NEU3: variants seen among roughly 807,000 people sequenced by gnomAD.
NEU3 encodes sialidase-3.
A neutral mutation model predicts 11.4 loss-of-function variants in NEU3; 10 were observed. That is an observed-to-expected ratio of 0.88 (90% confidence interval 0.54 to 1.49). NEU3 has a LOEUF of 1.49. NEU3 is among the 40% of genes most tolerant of loss of function. The probability of loss-of-function intolerance (pLI) is 0.00; values close to 1 mark genes in which losing one functional copy is unlikely to be tolerated. For missense variants in NEU3, 529 were observed against 581.8 expected, an observed-to-expected ratio of 0.91 and a Z score of 0.93; for synonymous variants, 212 against 228.2, an observed-to-expected ratio of 0.93 and a Z score of 0.64.
intron 1 of NEU3, among the ~76,000 whole-genome samples, chr11:74,991,663 C>T (rs572167896): frequency 4.0e-4 from 61 of 152,306 alleles, no homozygotes; most frequent in African/African-American, 1.4e-3. Context: ...CACCTCTGCC[C>T]CCATCCCTTG....
chr11:75,006,559 A>G lies in NEU3; in HGVS notation c.*67A>G. On this transcript the variant is annotated 3_prime_UTR_variant, in exon 3 of 3. Coordinates refer to ENST00000294064, the MANE Select transcript of NEU3 (RefSeq NM_006656.6). ...CAGACAGGTTAACAGAAGCTACTGA[A>G]GTCTACAGATAATCAAAAAACTTAA... 6.7e-7 allele frequency: 1 copy of G among 1,495,478 alleles called. No individual in the cohort carries two copies. The highest frequency in any genetic ancestry group is 2.2e-5 in the Admixed American group (1 of 45,252). The allele number at this position is 1,495,478 out of a possible 1,614,324, so 92.6% of individuals were successfully genotyped here. A position where few individuals can be genotyped will look rare whatever the true frequency, so the allele number is the denominator to read the frequency against.
chr11:74,993,184 TTTGTTGTCG>T (rs769639744), intron 1 of NEU3, among the ~76,000 whole-genome samples: 47 of 152,102 alleles, frequency 3.1e-4, no homozygotes, highest in Non-Finnish European at 5.9e-4. Flanking sequence ...TAGTGGGTTT[TTTGTTGTCG>T]TTGTTGGTGT....
Position 75,005,715 on chromosome 11 carries a change from G to A in NEU3, c.609G>A (p.Gln203=). 1.2e-6 allele frequency: 2 copies of A among 1,614,014 alleles called. No homozygotes were observed. The highest frequency in any genetic ancestry group is 1.7e-6 in the Non-Finnish European group (2 of 1,179,876). ...AVGPGHGIQL[Q]SGRLVIPAYT... ...GCCCAGGTCATGGCATCCAGCTGCA[G>A]TCAGGGAGACTGGTCATCCCTGCGT... The change falls in exon 3 of 3, where the codon CAG becomes CAA. Residue 203 remains glutamine, a synonymous_variant. Coordinates refer to ENST00000294064, the MANE Select transcript of NEU3 (RefSeq NM_006656.6).
At chr11:74,984,359 G>A (rs564983190), upstream of NEU3, among the ~76,000 whole-genome samples, 1 of 152,228 alleles carries the variant, frequency 6.6e-6, no homozygotes, top group East Asian at 1.9e-4. Context: ...CTCCTTTAAG[G>A]CACTTCATTA....
chr11:75,005,107 T>C lies in NEU3; in HGVS notation c.307-306T>C, dbSNP rs187110315. ...ATGTATTAGGGGAGGAGAGTGAGTT[T>C]CATGGAAGGCTTTATAAAGGAGGTG... On this transcript the variant is annotated intron_variant, in intron 2 of 2. Transcript: ENST00000294064. 1.9e-3 allele frequency among the ~76,000 whole-genome samples: 287 copies of C among 152,294 alleles called. 1 individual carries two copies. Among genetic ancestry groups the C allele is most frequent in the African/African-American group, 4.5e-3 (187 of 41,554 alleles).
Position 75,003,361 on chromosome 11 carries a change from C to T in NEU3, c.307-2052C>T, listed in dbSNP as rs529767382. ...CCTAAGGGAAAAAGGGACCAGCCAA[C>T]CTCTCTGAAAGAACTTAGCCTGTCA... On this transcript the variant is annotated intron_variant, in intron 2 of 2. Coordinates refer to ENST00000294064, the MANE Select transcript of NEU3 (RefSeq NM_006656.6). Among the ~76,000 whole-genome samples, 8 of 152,304 alleles carry T rather than the reference C, an allele frequency of 5.3e-5. No homozygotes were observed. The East Asian group carries it at 1.3e-3, about 26-fold the overall frequency.
At position 75,005,621 on chromosome 11, in the gene NEU3, G is replaced by T. The variant is rs202090872; in HGVS notation, c.515G>T (p.Ser172Ile). ...IYSQDAGCSW[S>I]EVRDLTEEVI... is the part of the protein sequence containing the mutation. ...AGTCAGGATGCTGGATGTTCATGGA[G>T]TGAGGTGAGGGACTTGACTGAGGAG... is the stretch of plus-strand genomic sequence containing the variant. The change falls in exon 3 of 3, where the codon AGT becomes ATT. Residue 172 changes from serine (S) to isoleucine (I), a missense_variant. By Grantham distance (142) the Ser-to-Ile change is moderately radical. Coordinates refer to ENST00000294064, the MANE Select transcript of NEU3 (RefSeq NM_006656.6). 31 of 1,613,944 alleles carry T rather than the reference G, an allele frequency of 1.9e-5. No individual in the cohort carries two copies. The highest frequency in any genetic ancestry group is 1.9e-5 in the Non-Finnish European group (22 of 1,179,914).
chr11:74,999,155 A>G (rs1314835140), intron 2 of NEU3, among the ~76,000 whole-genome samples: 2 of 152,096 alleles, frequency 1.3e-5, no homozygotes, highest in Non-Finnish European at 2.9e-5. Context: ...GTCTGTCTAG[A>G]GACGAGCCCT....
the NEU3 span, among the ~76,000 whole-genome samples, chr11:74,982,782 T>A: frequency 6.6e-6 from 1 of 152,112 alleles, no homozygotes; most frequent in Non-Finnish European, 1.5e-5. Context: ...GGGGTGCTTG[T>A]CAGAGCCAAC....
intron 2 of NEU3, among the ~76,000 whole-genome samples, chr11:75,000,338 A>G (rs1948830141): frequency 6.6e-6 from 1 of 152,162 alleles, no homozygotes; most frequent in African/African-American, 2.4e-5. Flanking sequence ...CAATCTTCAG[A>G]ACTTTTGATT....
At chr11:74,999,164 C>G (rs1948819897) in intron 2 of NEU3, among the ~76,000 whole-genome samples, 1 of 152,164 alleles carries the variant, frequency 6.6e-6, no homozygotes, top group African/African-American at 2.4e-5. Flanking sequence ...GAGACGAGCC[C>G]TCTCTGCATT....
In NEU3 at chr11:75,005,511, GTTC is replaced by G; in HGVS notation, c.409_411del (p.Phe137del). 3.7e-6 allele frequency: 6 copies of G among 1,613,972 alleles called. No homozygotes were observed. The highest frequency in any genetic ancestry group is 5.1e-6 in the Non-Finnish European group (6 of 1,179,882). On this transcript the variant is annotated inframe_deletion, in exon 3 of 3. Transcript: ENST00000294064. Reference sequence around the variant, plus strand: ...AGCAGAAGAGTGGTTGTGTGTTCCTGTTCTTCATCTGTGTGCGGGGCCATGTCA... The same window carrying G: ...AGCAGAAGAGTGGTTGTGTGTTCCTGTTCATCTGTGTGCGGGGCCATGTCA...
intron 1 of NEU3, among the ~76,000 whole-genome samples, chr11:74,993,709 G>A (rs989020307): frequency 6.6e-6 from 1 of 152,166 alleles, no homozygotes; most frequent in Non-Finnish European, 1.5e-5. Flanking sequence ...TGGAGTCCGA[G>A]AAATCCAAGG....
intron 1 of NEU3, among the ~76,000 whole-genome samples, chr11:74,991,934 G>A (rs1948735898): frequency 6.6e-6 from 1 of 152,216 alleles, no homozygotes; most frequent in Admixed American, 6.5e-5. Context: ...TACCCTTGCT[G>A]TTTCTGGAGC....
At chr11:74,987,638 C>A (rs1476696402), upstream of NEU3, among the ~76,000 whole-genome samples, 1 of 151,954 alleles carries the variant, frequency 6.6e-6, no homozygotes, top group African/African-American at 2.4e-5. Context: ...ATGGTGAAAC[C>A]CCGTCTCTAT....
chr11:74,994,933 GTT>G, intron 2 of NEU3: 1 of 669,960 alleles, frequency 1.5e-6, no homozygotes, highest in Non-Finnish European at 2.7e-6. Context: ...CGTAGGTACT[GTT>G]TTCAGTCATA....
upstream of NEU3, chr11:74,988,916 C>G (rs565072379): frequency 5.9e-6 from 4 of 679,380 alleles, no homozygotes; most frequent in East Asian, 3.0e-5. Context: ...TTTTCGTTGC[C>G]GTTACCTGTT....
upstream of NEU3, chr11:74,988,746 G>C: frequency 2.4e-6 from 1 of 418,210 alleles, no homozygotes; most frequent in East Asian, 5.6e-5. Flanking sequence ...GGCTTGAGCT[G>C]AGTTGGCGAG....
chr11:75,007,307 A>G lies in NEU3; in HGVS notation c.*815A>G, dbSNP rs930908553. The G allele has an allele frequency of 1.3e-5, 2 of 152,206 alleles. No homozygotes were observed. The highest frequency in any genetic ancestry group is 4.8e-5 in the African/African-American group (2 of 41,444). The allele number at this position is 152,206 out of a possible 1,614,324, so 9.4% of individuals were successfully genotyped here. A position where few individuals can be genotyped will look rare whatever the true frequency, so the allele number is the denominator to read the frequency against. The stretch of plus-strand genomic sequence containing the variant: ...AAAAGGACATGGATTAGGACTTTAA[A>G]ACACTGGACAGAATTTCCCACAGTC... On this transcript the variant is annotated 3_prime_UTR_variant, in exon 3 of 3. Coordinates refer to ENST00000294064, the MANE Select transcript of NEU3 (RefSeq NM_006656.6).
Sources: allele counts gnomAD v4.1 joint callset (sites outside exome capture counted in the v4.1 genomes callset), GRCh38; gene constraint gnomAD v4.1.1; transcripts MANE v1.5; gene names NCBI Gene and HGNC (gene_info 2026-07-23, HGNC 2026-07-21).